NOL4: variants seen among roughly 807,000 people sequenced by gnomAD.
NOL4 encodes the protein cancer/testis antigen 125.
In NOL4, 17 loss-of-function variants were observed where a neutral mutation model predicts 75.9. The observed-to-expected ratio is 0.22, with a 90% CI of 0.15 to 0.34. The LOEUF is 0.34. Among genes scored for constraint, NOL4 ranks in the 10% least tolerant of loss-of-function variants. The probability of loss-of-function intolerance (pLI) is 1.00; values close to 1 mark genes in which losing one functional copy is unlikely to be tolerated. For missense variants in NOL4, 614 were observed against 793.5 expected (o/e 0.77, Z 2.72); for synonymous variants, 292 against 289.9 (o/e 1.01, Z -0.07).
intron 6 of NOL4, among the ~76,000 whole-genome samples, chr18:33,996,095 A>G (rs960929117): frequency 6.6e-6 from 1 of 151,896 alleles, no homozygotes; most frequent in African/African-American, 2.4e-5. Context: ...TTAACCAAAG[A>G]TCAGAATAAA....
chr18:33,873,393 C>A (rs887689448), intron 10 of NOL4, among the ~76,000 whole-genome samples: 1 of 151,964 alleles, frequency 6.6e-6, no homozygotes, highest in Admixed American at 6.6e-5. Context: ...AAGAAAAGCA[C>A]ATTTTCCTAT....
intron 10 of NOL4, among the ~76,000 whole-genome samples, chr18:33,882,326 C>T: frequency 6.6e-6 from 1 of 151,940 alleles, no homozygotes; most frequent in Non-Finnish European, 1.5e-5. Context: ...GGCTAATATC[C>T]AGAATCTACA....
chr18:33,883,696 T>C lies in NOL4; in HGVS notation c.1543-272A>G, dbSNP rs573850867. ...AAGAAAGTTACTCACAATAACCAAG[T>C]GGTGGAAGAAGCCTAAACATCTCTT... is the stretch of plus-strand genomic sequence containing the variant. On this transcript the variant is annotated intron_variant, in intron 9 of 10. Transcript: ENST00000261592. Among the ~76,000 whole-genome samples the C allele has an allele frequency of 1.1e-3, 174 of 152,022 alleles. 1 individual carries two copies. In the South Asian group the frequency reaches 0.035, roughly 30 times the overall value.
At chr18:34,051,258 A>G (rs1475928224) in intron 5 of NOL4, among the ~76,000 whole-genome samples, 1 of 152,094 alleles carries the variant, frequency 6.6e-6, no homozygotes, top group African/African-American at 2.4e-5. Flanking sequence ...TAAAATCTAT[A>G]TGACTGTAAT....
At chr18:34,183,720 CA>C (rs1320074768) in intron 1 of NOL4, 2 of 151,800 alleles carry the variant, frequency 1.3e-5, no homozygotes, top group African/African-American at 4.8e-5. Context: ...AAGCCAGACT[CA>C]AAAGTCTATA....
chr18:34,089,483 C>T (rs1030687177), intron 5 of NOL4, among the ~76,000 whole-genome samples: 1 of 152,032 alleles, frequency 6.6e-6, no homozygotes, highest in Non-Finnish European at 1.5e-5. Context: ...CAGTAGCCAC[C>T]GGTCACATGT....
intron 6 of NOL4, among the ~76,000 whole-genome samples, chr18:33,995,787 C>A (rs1255238497): frequency 6.6e-6 from 1 of 151,854 alleles, no homozygotes; most frequent in Admixed American, 6.6e-5. Context: ...AGTCAGAACA[C>A]ATTTTGTACT....
At chr18:34,045,044 G>C (rs2076303323) in intron 5 of NOL4, among the ~76,000 whole-genome samples, 1 of 151,942 alleles carries the variant, frequency 6.6e-6, no homozygotes, top group South Asian at 2.1e-4. Flanking sequence ...CTTTTCATCT[G>C]TTATTTGGAT....
intron 9 of NOL4, among the ~76,000 whole-genome samples, chr18:33,902,187 GTTC>G (rs1416913357): frequency 6.6e-6 from 1 of 151,964 alleles, no homozygotes; most frequent in Non-Finnish European, 1.5e-5. Flanking sequence ...ATTTATAATA[GTTC>G]TTCTATGATT....
At chr18:33,996,126 C>T (rs1447318230) in intron 6 of NOL4, among the ~76,000 whole-genome samples, 1 of 151,652 alleles carries the variant, frequency 6.6e-6, no homozygotes, top group Non-Finnish European at 1.5e-5. Context: ...CATGCTCTCA[C>T]TATTTCTATT....
intron 9 of NOL4, among the ~76,000 whole-genome samples, chr18:33,937,293 T>C (rs576694705): frequency 2.0e-5 from 3 of 152,070 alleles, no homozygotes; most frequent in Non-Finnish European, 2.9e-5. Flanking sequence ...AATGGACATA[T>C]GGAATAAAGT....
chr18:33,883,463 C>G (rs2144689439), intron 9 of NOL4, 39 bp from the exon 10 acceptor site: 2 of 1,534,300 alleles, frequency 1.3e-6, no homozygotes, highest in South Asian at 1.2e-5. Context: ...TATCACCTCA[C>G]AGTGCTATTT....
chr18:33,980,991 T>C (rs1377458915), intron 6 of NOL4, among the ~76,000 whole-genome samples: 2 of 151,940 alleles, frequency 1.3e-5, no homozygotes, highest in African/African-American at 2.4e-5. Flanking sequence ...AGCATAGAGA[T>C]AGAAATTCTG....
chr18:33,996,282 T>C (rs909937122), intron 6 of NOL4, among the ~76,000 whole-genome samples: 3 of 151,742 alleles, frequency 2.0e-5, no homozygotes, highest in African/African-American at 4.8e-5. Context: ...CTCCTAAAAC[T>C]CTATTAGAAA....
chr18:34,203,689 T>C (rs145397987), intron 1 of NOL4, among the ~76,000 whole-genome samples: 2,581 of 73,244 alleles, frequency 0.035, 37 homozygotes, highest in Middle Eastern at 0.087. Context: ...TCTCTCCCTC[T>C]CTCTCTCTCT....
At chr18:34,217,310 A>C (rs1479024648) in intron 1 of NOL4, among the ~76,000 whole-genome samples, 1 of 151,588 alleles carries the variant, frequency 6.6e-6, no homozygotes, top group African/African-American at 2.4e-5. Context: ...TTTGAGATGG[A>C]GTCTCACTCT....
At chr18:33,958,774 C>G (rs1449363801) in intron 6 of NOL4, among the ~76,000 whole-genome samples, 1 of 152,066 alleles carries the variant, frequency 6.6e-6, no homozygotes, top group Non-Finnish European at 1.5e-5. Context: ...ATCATTGAGT[C>G]ACATATTCTT....
intron 5 of NOL4, among the ~76,000 whole-genome samples, chr18:34,060,747 G>A (rs1272032005): frequency 2.0e-5 from 3 of 152,162 alleles, no homozygotes; most frequent in East Asian, 1.9e-4. Flanking sequence ...AGACAACACT[G>A]TAAAGAAAAC....
chr18:33,852,777 G>A lies in NOL4; in HGVS notation c.*65C>T, dbSNP rs2062677176. 1 of 1,380,184 alleles carries A rather than the reference G, an allele frequency of 7.2e-7. No individual in the cohort carries two copies. The highest frequency in any genetic ancestry group is 1.4e-5 in the African/African-American group (1 of 69,994). The allele number at this position is 1,380,184 out of a possible 1,614,324, so 85.5% of individuals were successfully genotyped here. ...GTAAGACCAGAAGTATCTCTGTTGG[G>A]AAATCAAAATGTCATTAGTGGAAAC... On this transcript the variant is annotated 3_prime_UTR_variant, in exon 11 of 11. Transcript: ENST00000261592.
Sources: gnomAD v4.1 joint callset for allele counts (sites outside exome capture counted in the v4.1 genomes callset) on GRCh38, gnomAD v4.1.1 for gene constraint, MANE v1.5 for transcripts, NCBI Gene and HGNC (gene_info 2026-07-23, HGNC 2026-07-21) for gene names.